Variants in AUTS2 observed in about 807,000 individuals in gnomAD.
The protein encoded by AUTS2 is autism susceptibility gene 2 protein.
Under a neutral mutation model 112.4 loss-of-function variants are expected in AUTS2, and 17 were observed. That is an observed-to-expected ratio of 0.15 (90% CI 0.10 to 0.23). The LOEUF is 0.23. Among genes scored for constraint, AUTS2 ranks in the 10% least tolerant of loss-of-function variants. The pLI, the probability that AUTS2 is intolerant of heterozygous loss-of-function variation, is 1.00. For synonymous variants in AUTS2, 751 were observed against 702.7 expected, an observed-to-expected ratio of 1.07 and a Z score of -1.09; for missense variants, 1,510 against 1,701.6, an observed-to-expected ratio of 0.89 and a Z score of 1.98.
chr7:69,791,837 A>C (rs183635430), intron 1 of AUTS2, among the ~76,000 whole-genome samples: 1 of 152,328 alleles, frequency 6.6e-6, no homozygotes, highest in African/African-American at 2.4e-5. Flanking sequence ...TTTCTGGTAT[A>C]GATAAAGACT....
At chr7:70,354,137 A>C (rs1277987642) in intron 4 of AUTS2, among the ~76,000 whole-genome samples, 1 of 152,216 alleles carries the variant, frequency 6.6e-6, no homozygotes, top group East Asian at 1.9e-4. Context: ...CACTCAGTAC[A>C]TTCCTGTCCC....
chr7:70,180,208 A>G (rs575014251), intron 4 of AUTS2, among the ~76,000 whole-genome samples: 1 of 152,334 alleles, frequency 6.6e-6, no homozygotes, highest in South Asian at 2.1e-4. Flanking sequence ...TTTCTGTAAG[A>G]AGAAAAATAT....
At chr7:69,792,246 T>C (rs1245996957) in intron 1 of AUTS2, among the ~76,000 whole-genome samples, 1 of 151,612 alleles carries the variant, frequency 6.6e-6, no homozygotes, top group African/African-American at 2.4e-5. Flanking sequence ...TTTTTTTGTT[T>C]TGTTTTTTTT....
chr7:69,994,916 G>A (rs1209384946), intron 2 of AUTS2, among the ~76,000 whole-genome samples: 1 of 151,998 alleles, frequency 6.6e-6, no homozygotes, highest in African/African-American at 2.4e-5. Flanking sequence ...GCATCAACTC[G>A]CCCTTTATCT....
At chr7:69,799,878 A>G (rs940171840) in intron 1 of AUTS2, among the ~76,000 whole-genome samples, 5 of 152,032 alleles carry the variant, frequency 3.3e-5, no homozygotes, top group Non-Finnish European at 7.4e-5. Context: ...AGTATGCCCA[A>G]CCCCCTCACC....
At chr7:70,085,133 T>A (rs1444434950) in intron 2 of AUTS2, among the ~76,000 whole-genome samples, 1 of 152,194 alleles carries the variant, frequency 6.6e-6, no homozygotes, top group Non-Finnish European at 1.5e-5. Flanking sequence ...TGCCTCAGTC[T>A]CCCAAAGCAA....
chr7:70,149,438 A>C (rs1807307304), intron 4 of AUTS2, among the ~76,000 whole-genome samples: 1 of 152,066 alleles, frequency 6.6e-6, no homozygotes, highest in Non-Finnish European at 1.5e-5. Flanking sequence ...TTCTTGCATT[A>C]GTTTTAATTT....
intron 5 of AUTS2, among the ~76,000 whole-genome samples, chr7:70,681,402 G>A (rs1052808934): frequency 3.9e-5 from 6 of 152,156 alleles, no homozygotes; most frequent in Non-Finnish European, 8.8e-5. Context: ...CAATCACATG[G>A]AGAATCAGAG....
At chr7:70,522,120 A>G (rs563379947) in intron 5 of AUTS2, among the ~76,000 whole-genome samples, 1 of 152,342 alleles carries the variant, frequency 6.6e-6, no homozygotes, top group East Asian at 1.9e-4. Flanking sequence ...AGGACAACTC[A>G]GTAGGTGTGA....
chr7:70,685,472 CAAAAAA>C (rs34403837), intron 5 of AUTS2, among the ~76,000 whole-genome samples: 2 of 65,988 alleles, frequency 3.0e-5, no homozygotes, highest in African/African-American at 1.1e-4. Context: ...GACTCTGTCT[CAAAAAA>C]AAAAAAAAAA....
chr7:70,125,245 A>ATGTGTGTGTG (rs59747508), intron 3 of AUTS2, among the ~76,000 whole-genome samples: 6 of 144,914 alleles, frequency 4.1e-5, no homozygotes, highest in African/African-American at 5.1e-5. Context: ...TTATTTGGAG[A>ATGTGTGTGTG]TGTGTGTGTG....
intron 2 of AUTS2, among the ~76,000 whole-genome samples, chr7:70,077,403 T>C (rs948610152): frequency 6.6e-6 from 1 of 152,206 alleles, no homozygotes; most frequent in Non-Finnish European, 1.5e-5. Context: ...GTTGAAATGC[T>C]GACTTTACAC....
chr7:70,531,658 A>G (rs982821542), intron 5 of AUTS2, among the ~76,000 whole-genome samples: 1 of 152,014 alleles, frequency 6.6e-6, no homozygotes, highest in African/African-American at 2.4e-5. Context: ...CTGACTCATC[A>G]CCAAGAGGAT....
chr7:69,633,170 T>C (rs984962246), intron 1 of AUTS2, among the ~76,000 whole-genome samples: 10 of 152,190 alleles, frequency 6.6e-5, no homozygotes, highest in Admixed American at 6.5e-5. Context: ...ATTCCATATA[T>C]AAGTGAGATC....
At position 70,497,847 on chromosome 7, in the gene AUTS2, C is replaced by A. The variant is rs186737928; in HGVS notation, c.690+62066C>A. On this transcript the variant is annotated intron_variant, in intron 5 of 18. Coordinates refer to ENST00000342771, the MANE Select transcript of AUTS2 (RefSeq NM_015570.4). Reference sequence around the variant, plus strand: ...GGACAGGGTCTCAGACACGCAGAGACCATCAGGAGGAGTTCACTCTGCTAT... The same window carrying A: ...GGACAGGGTCTCAGACACGCAGAGAACATCAGGAGGAGTTCACTCTGCTAT... Among the ~76,000 whole-genome samples the A allele has an allele frequency of 1.8e-3, 280 of 152,242 alleles. 2 individuals are homozygous for A. The highest frequency in any genetic ancestry group is 2.7e-3 in the Non-Finnish European group (185 of 68,010).
chr7:69,675,505 G>GTTT (rs751222506), intron 1 of AUTS2, among the ~76,000 whole-genome samples: 1,879 of 114,154 alleles, frequency 0.016, 79 homozygotes, highest in African/African-American at 0.061. Context: ...TTGGCTGAGG[G>GTTT]TTTTTTTTTT....
chr7:69,696,442 G>A (rs1265687916), intron 1 of AUTS2, among the ~76,000 whole-genome samples: 1 of 152,138 alleles, frequency 6.6e-6, no homozygotes, highest in Admixed American at 6.5e-5. Flanking sequence ...TTTCAGAATA[G>A]CAGCAGGGTA....
chr7:70,413,277 G>T (rs1041539854), intron 4 of AUTS2, among the ~76,000 whole-genome samples: 3 of 152,176 alleles, frequency 2.0e-5, no homozygotes, highest in Non-Finnish European at 4.4e-5. Context: ...TAGAATATAA[G>T]TTATTCTAGG....
At chr7:69,656,234 A>G (rs1430124739) in intron 1 of AUTS2, among the ~76,000 whole-genome samples, 1 of 152,212 alleles carries the variant, frequency 6.6e-6, no homozygotes, top group Admixed American at 6.5e-5. Context: ...CACAGCCATT[A>G]GGAATCTTGA....
Sources: allele counts gnomAD v4.1 joint callset (sites outside exome capture counted in the v4.1 genomes callset), GRCh38; gene constraint gnomAD v4.1.1; transcripts MANE v1.5; gene names NCBI Gene and HGNC (gene_info 2026-07-23, HGNC 2026-07-21).